The following PCDHA4 variants were observed in gnomAD, a reference collection of about 807,000 sequenced individuals.
PCDHA4 encodes protocadherin alpha-4.
PCDHA4 carries 49 observed loss-of-function variants against 61.4 expected under a neutral mutation model. The ratio of observed to expected loss-of-function variants is 0.80; its 90% CI spans 0.63 to 1.01. PCDHA4 has a LOEUF of 1.01. PCDHA4 is among the 50% of genes least tolerant of loss of function. PCDHA4 has a pLI of 0.00. For missense variants in PCDHA4, 1,254 were observed against 1,235.8 expected, an observed-to-expected ratio of 1.01 and a Z score of -0.22; for synonymous variants, 590 against 550.3, an observed-to-expected ratio of 1.07 and a Z score of -1.01.
At chr5:140,888,443 A>C (rs1374471673) in intron 1 of PCDHA4, among the ~76,000 whole-genome samples, 2 of 152,172 alleles carry the variant, frequency 1.3e-5, no homozygotes, top group Non-Finnish European at 2.9e-5. Context: ...GCCGCCCAAC[A>C]ATAAAGAATT....
intron 3 of PCDHA4, among the ~76,000 whole-genome samples, chr5:141,002,161 G>T (rs1554258540): frequency 6.6e-6 from 1 of 152,208 alleles, no homozygotes; most frequent in Non-Finnish European, 1.5e-5. Flanking sequence ...CAGAGTGGGC[G>T]GTAGGCAGGC....
intron 1 of PCDHA4, chr5:140,968,754 G>A (rs782271569): frequency 1.2e-5 from 19 of 1,614,052 alleles, no homozygotes; most frequent in South Asian, 2.2e-5. Context: ...GTGGTGGTCC[G>A]AGATAATGGA....
intron 1 of PCDHA4, chr5:140,883,037 A>C: frequency 6.2e-7 from 1 of 1,614,166 alleles, no homozygotes; most frequent in Non-Finnish European, 8.5e-7. Flanking sequence ...GAACGCCTTC[A>C]ATGGAACATT....
At chr5:140,911,365 TG>T (rs1554194694) in intron 1 of PCDHA4, among the ~76,000 whole-genome samples, 1 of 152,218 alleles carries the variant, frequency 6.6e-6, no homozygotes, top group East Asian at 1.9e-4. Flanking sequence ...AGTAGACACC[TG>T]GCAAGGCTGT....
intron 1 of PCDHA4, chr5:140,841,417 C>G (rs2150314997): frequency 2.5e-6 from 4 of 1,613,050 alleles, no homozygotes; most frequent in Non-Finnish European, 3.4e-6. Flanking sequence ...GCCAGCTCCA[C>G]TACTCCGTCC....
rs2150387302 is a variant in PCDHA4 at position 140,846,348 on chromosome 5, C to T, written c.2385+36776C>T. ...TAAATAGCCTTTTAAAGTGCTTTCT[C>T]TTTTTTCTTTTCTTTTCTTTCTTTC... is the stretch of plus-strand genomic sequence containing the variant. On this transcript the variant is annotated intron_variant, in intron 1 of 3. Transcript: ENST00000530339. 5.0e-5 allele frequency among the ~76,000 whole-genome samples: 7 copies of T among 138,736 alleles called. 1 individual carries two copies. Among genetic ancestry groups the T allele is most frequent in the East Asian group, 2.0e-4 (1 of 4,968 alleles). The allele number at this position is 138,736 out of a possible 152,430, so 91.0% of individuals were successfully genotyped here.
At position 140,871,409 on chromosome 5, in the gene PCDHA4, T is replaced by C. The variant is rs2053060094; in HGVS notation, c.2385+61837T>C. The C allele has an allele frequency of 1.2e-6, 2 of 1,613,974 alleles. No homozygotes were observed. Among genetic ancestry groups the C allele is most frequent in the African/African-American group, 1.3e-5 (1 of 74,954 alleles). On this transcript the variant is annotated intron_variant, in intron 1 of 3. Coordinates refer to ENST00000530339, the MANE Select transcript of PCDHA4 (RefSeq NM_018907.4). ...GAGGGCCCACCTAAGACGGACCTCATGGCCTTCAGCCCCAGTCTTCCTCTA... is the reference window on the plus strand; with the variant it reads ...GAGGGCCCACCTAAGACGGACCTCACGGCCTTCAGCCCCAGTCTTCCTCTA...
chr5:140,995,276 C>T (rs2097674050), intron 3 of PCDHA4, among the ~76,000 whole-genome samples: 4 of 152,030 alleles, frequency 2.6e-5, no homozygotes, highest in Non-Finnish European at 1.5e-5. Flanking sequence ...CCCTTTGATA[C>T]CAAAACAGCC....
At chr5:140,862,820 G>A (rs782106101) in intron 1 of PCDHA4, 2 of 574,854 alleles carry the variant, frequency 3.5e-6, no homozygotes, top group Non-Finnish European at 6.7e-6. Context: ...TTCTAGGTGA[G>A]AGCGCGCGAC....
intron 1 of PCDHA4, chr5:140,927,658 C>T (rs782350503): frequency 5.0e-6 from 8 of 1,614,094 alleles, no homozygotes; most frequent in Non-Finnish European, 6.8e-6. Context: ...ATTCCGAGTT[C>T]AAGCCTTGGA....
chr5:140,870,325 C>T (rs1554164071), intron 1 of PCDHA4: 1 of 1,614,080 alleles, frequency 6.2e-7, no homozygotes, highest in African/African-American at 1.3e-5. Context: ...CTCGTTGGTG[C>T]TGGACAGCGC....
chr5:140,828,515 A>G, intron 1 of PCDHA4: 3 of 1,614,156 alleles, frequency 1.9e-6, no homozygotes, highest in Non-Finnish European at 2.5e-6. Context: ...AAGAGTGCTG[A>G]TTTACGAATC....
At chr5:140,991,843 T>G (rs2097475576) in intron 3 of PCDHA4, among the ~76,000 whole-genome samples, 1 of 152,194 alleles carries the variant, frequency 6.6e-6, no homozygotes, top group Admixed American at 6.6e-5. Context: ...GAACCGCACT[T>G]CCAGATACCA....
Position 140,876,990 on chromosome 5 carries a change from C to T in PCDHA4, c.2385+67418C>T, listed in dbSNP as rs374520504. The T allele has an allele frequency of 2.2e-5, 35 of 1,612,500 alleles. No individual in the cohort carries two copies. In the South Asian group the frequency reaches 2.9e-4, roughly 13 times the overall value. On this transcript the variant is annotated intron_variant, in intron 1 of 3. Coordinates refer to ENST00000530339, the MANE Select transcript of PCDHA4 (RefSeq NM_018907.4). ...GGGTGGGCGAGCACGCACTGTCGAG[C>T]TACGTGTCGGTGCACGCGGAGAGCG... is the stretch of plus-strand genomic sequence containing the variant.
Position 140,858,600 on chromosome 5 carries a change from TA to T in PCDHA4, c.2385+49032del, listed in dbSNP as rs1554151860. 9.3e-6 allele frequency: 12 copies of T among 1,293,864 alleles called. 1 individual carries two copies. Among genetic ancestry groups the T allele is most frequent in the Non-Finnish European group, 1.3e-5 (12 of 949,282 alleles). 80.1% of individuals were successfully genotyped at this position (1,293,864 alleles called of 1,614,324 possible). ...GTAATATAATTTATTCCAGGAGTTT[TA>T]AAATTTTTTTATCCTACCCAGTGTG... is the stretch of plus-strand genomic sequence containing the variant. On this transcript the variant is annotated intron_variant, in intron 1 of 3. Coordinates refer to ENST00000530339, the MANE Select transcript of PCDHA4 (RefSeq NM_018907.4).
intron 3 of PCDHA4, among the ~76,000 whole-genome samples, chr5:140,994,216 G>A (rs2097604981): frequency 6.6e-6 from 1 of 152,178 alleles, no homozygotes; most frequent in Non-Finnish European, 1.5e-5. Flanking sequence ...GGGACCCAGG[G>A]TCTGTCTATG....
intron 1 of PCDHA4, among the ~76,000 whole-genome samples, chr5:140,969,768 T>G (rs1250957386): frequency 1.3e-5 from 2 of 152,198 alleles, no homozygotes; most frequent in Admixed American, 1.3e-4. Context: ...CTCTGAGGCC[T>G]CTAGGGGCTA....
chr5:140,843,885 G>A, intron 1 of PCDHA4: 1 of 709,038 alleles, frequency 1.4e-6, no homozygotes, highest in South Asian at 2.0e-5. Context: ...GCATAATACA[G>A]TATTAATCAT....
intron 1 of PCDHA4, among the ~76,000 whole-genome samples, chr5:140,970,255 A>G (rs155806): frequency 0.089 from 13,563 of 152,250 alleles, 783 homozygotes; most frequent in Middle Eastern, 0.22. Context: ...GACAGTTTCT[A>G]TGGTTTTGAT....
Sources: gnomAD v4.1 joint callset for allele counts (sites outside exome capture counted in the v4.1 genomes callset) on GRCh38, gnomAD v4.1.1 for gene constraint, MANE v1.5 for transcripts, NCBI Gene and HGNC (gene_info 2026-07-23, HGNC 2026-07-21) for gene names.